Variants in ELMO1 observed in about 807,000 individuals in gnomAD.
The protein encoded by ELMO1 is engulfment and cell motility 1.
In ELMO1, 26 loss-of-function variants were observed where a neutral mutation model predicts 98.9. That is an observed-to-expected ratio of 0.26 (90% confidence interval 0.19 to 0.36). The LOEUF (loss-of-function observed/expected upper bound fraction) is 0.36. Ranked by LOEUF, ELMO1 falls within the 10% of genes least tolerant of loss-of-function variation. ELMO1 has a pLI of 1.00. For missense variants in ELMO1, 627 were observed against 935.2 expected, an observed-to-expected ratio of 0.67 and a Z score of 4.30; for synonymous variants, 346 against 346.0, an observed-to-expected ratio of 1.00 and a Z score of 0.00.
chr7:37,266,266 A>T (rs1076476), intron 5 of ELMO1, among the ~76,000 whole-genome samples: 57,749 of 150,246 alleles, frequency 0.38, 12,162 homozygotes, highest in Middle Eastern at 0.55. Context: ...AAATGGAATT[A>T]AAAAAAAAAA....
chr7:37,356,401 T>A (rs1043760280), intron 1 of ELMO1, among the ~76,000 whole-genome samples: 2 of 152,216 alleles, frequency 1.3e-5, no homozygotes, highest in Admixed American at 6.5e-5. Flanking sequence ...GTGGTTGAAC[T>A]AATTTACACT....
intron 13 of ELMO1, among the ~76,000 whole-genome samples, chr7:37,164,804 T>C (rs1789525306): frequency 6.7e-6 from 1 of 150,096 alleles, no homozygotes; most frequent in Non-Finnish European, 1.5e-5. Flanking sequence ...TGGCTCAGGA[T>C]TGACTTGGCA....
In ELMO1 at chr7:37,265,356, T is replaced by C. The variant is rs183475934; in HGVS notation, c.244-6006A>G. 5.1e-4 allele frequency among the ~76,000 whole-genome samples: 78 copies of C among 152,268 alleles called. 1 individual carries two copies. Among genetic ancestry groups the C allele is most frequent in the African/African-American group, 1.7e-3 (69 of 41,548 alleles). On this transcript the variant is annotated intron_variant, in intron 5 of 21. Coordinates refer to ENST00000310758, the MANE Select transcript of ELMO1 (RefSeq NM_014800.11). ...TCAATTCTCTCTCTGTAGTAGAACA[T>C]TTCCAGCTGCAAAAATCTCTAATAT...
chr7:37,349,311 T>C (rs983974623), intron 1 of ELMO1, among the ~76,000 whole-genome samples: 3 of 152,178 alleles, frequency 2.0e-5, no homozygotes, highest in South Asian at 2.1e-4. Flanking sequence ...GAGTTGTCTC[T>C]GATAGAAAAA....
intron 16 of ELMO1, among the ~76,000 whole-genome samples, chr7:36,904,229 C>T (rs915296042): frequency 3.9e-5 from 6 of 152,238 alleles, no homozygotes; most frequent in African/African-American, 1.2e-4. Flanking sequence ...CCTGGAGAAC[C>T]TAAGGACAGG....
intron 13 of ELMO1, among the ~76,000 whole-genome samples, chr7:37,210,927 C>T (rs186615937): frequency 2.0e-5 from 3 of 152,048 alleles, no homozygotes; most frequent in African/African-American, 7.2e-5. Flanking sequence ...GCAAGAGAGA[C>T]CTTTTAAGAA....
Position 37,388,006 on chromosome 7 carries a change from A to AT in ELMO1, c.-73-45244dup, listed in dbSNP as rs796726202. Among the ~76,000 whole-genome samples the AT allele has an allele frequency of 2.4e-3, 361 of 151,674 alleles. 1 individual carries two copies. The highest frequency in any genetic ancestry group is 8.4e-3 in the African/African-American group (348 of 41,350). On this transcript the variant is annotated intron_variant, in intron 1 of 21. Transcript: ENST00000310758. ...GCCACCACGCCTGGCCAATTTTTAC[A>AT]TTTTTTTTGTAGAGATGGGATCTCC...
intron 13 of ELMO1, among the ~76,000 whole-genome samples, chr7:37,158,978 A>C (rs1788999350): frequency 6.6e-6 from 1 of 152,216 alleles, no homozygotes; most frequent in South Asian, 2.1e-4. Flanking sequence ...CAGCCATAAA[A>C]AAGGATGAGT....
intron 1 of ELMO1, among the ~76,000 whole-genome samples, chr7:37,447,714 CCACACACACACACACA>C (rs3054415): frequency 1.4e-4 from 18 of 132,240 alleles, no homozygotes; most frequent in East Asian, 9.0e-4. Flanking sequence ...CGCGCACACA[CCACACACACACACACA>C]CACACACACA....
At chr7:37,426,536 A>G (rs1049402631) in intron 1 of ELMO1, among the ~76,000 whole-genome samples, 9 of 152,124 alleles carry the variant, frequency 5.9e-5, no homozygotes, top group African/African-American at 2.2e-4. Flanking sequence ...AACATATATA[A>G]ATCACTTGGT....
intron 1 of ELMO1, among the ~76,000 whole-genome samples, chr7:37,397,431 T>A (rs1354701262): frequency 6.6e-6 from 1 of 152,224 alleles, no homozygotes; most frequent in Non-Finnish European, 1.5e-5. Context: ...ATAAAAGGCA[T>A]CTGTAAGACA....
intron 16 of ELMO1, among the ~76,000 whole-genome samples, chr7:36,911,750 C>G (rs537248947): frequency 1.3e-5 from 2 of 152,276 alleles, no homozygotes; most frequent in South Asian, 2.1e-4. Context: ...ATGCTGATAT[C>G]TCTCAAAATG....
chr7:37,342,949 G>A lies in ELMO1; in HGVS notation c.-73-186C>T, dbSNP rs929219239. 2 of 392,812 alleles carry A rather than the reference G, an allele frequency of 5.1e-6. No individual in the cohort carries two copies. Among genetic ancestry groups the A allele is most frequent in the African/African-American group, 4.2e-5 (2 of 47,590 alleles). The allele number at this position is 392,812 out of a possible 1,614,324, so 24.3% of individuals were successfully genotyped here. Reference sequence around the variant, plus strand: ...GGGCTCCTGAGGAAAGAAGAAAGATGGGGGTGCCCGTGCCAACGCCCTTGA... The same window carrying A: ...GGGCTCCTGAGGAAAGAAGAAAGATAGGGGTGCCCGTGCCAACGCCCTTGA... On this transcript the variant is annotated intron_variant, in intron 1 of 21. Coordinates refer to ENST00000310758, the MANE Select transcript of ELMO1 (RefSeq NM_014800.11). This position sits in a 1 kb window ranked among gnomAD's most constrained non-coding sequence, Gnocchi z 4.3.
At chr7:37,374,024 AGGTAGGGTGTG>A (rs1329359073) in intron 1 of ELMO1, among the ~76,000 whole-genome samples, 8 of 152,202 alleles carry the variant, frequency 5.3e-5, no homozygotes, top group Admixed American at 5.2e-4. Context: ...TTTTAACTAG[AGGTAGGGTGTG>A]GGCACCATGC....
At chr7:36,896,239 C>T (rs925861761) in intron 16 of ELMO1, among the ~76,000 whole-genome samples, 3 of 152,056 alleles carry the variant, frequency 2.0e-5, no homozygotes, top group Non-Finnish European at 4.4e-5. Context: ...ATAAGGAAAC[C>T]GACTGAGAAA....
intron 21 of ELMO1, among the ~76,000 whole-genome samples, chr7:36,860,892 A>C (rs1420399647): frequency 6.6e-6 from 1 of 152,232 alleles, no homozygotes; most frequent in African/African-American, 2.4e-5. Flanking sequence ...AATAACTTCT[A>C]AATGAGCTAA....
intron 16 of ELMO1, among the ~76,000 whole-genome samples, chr7:37,008,519 T>C (rs1183736172): frequency 6.6e-6 from 1 of 152,138 alleles, no homozygotes; most frequent in African/African-American, 2.4e-5. Context: ...TGTCTGTTTG[T>C]GAAAAGGGCA....
At chr7:37,427,483 C>G (rs1804757043) in intron 1 of ELMO1, among the ~76,000 whole-genome samples, 1 of 152,210 alleles carries the variant, frequency 6.6e-6, no homozygotes, top group Non-Finnish European at 1.5e-5. Flanking sequence ...CACCCTCCTT[C>G]AGATGCCACC....
intron 1 of ELMO1, among the ~76,000 whole-genome samples, chr7:37,444,491 C>T (rs948649715): frequency 2.6e-5 from 4 of 152,046 alleles, no homozygotes; most frequent in Non-Finnish European, 4.4e-5. Flanking sequence ...GAGGGCCTAG[C>T]GCACTGGCAA....
Sources: allele counts gnomAD v4.1 joint callset (sites outside exome capture counted in the v4.1 genomes callset), GRCh38; gene constraint gnomAD v4.1.1; non-coding constraint Gnocchi (gnomAD v3.1); transcripts MANE v1.5; gene names NCBI Gene and HGNC (gene_info 2026-07-23, HGNC 2026-07-21).